SRCIN1: variants seen among roughly 807,000 people sequenced by gnomAD.
The protein encoded by SRCIN1 is SRC kinase signaling inhibitor 1.
In SRCIN1, 50 loss-of-function variants were observed where a neutral mutation model predicts 116.2. That is an observed-to-expected ratio of 0.43 (90% CI 0.34 to 0.54). SRCIN1 has a LOEUF of 0.54. SRCIN1 is among the 20% of genes least tolerant of loss of function. The pLI, the probability that SRCIN1 is intolerant of heterozygous loss-of-function variation, is 0.02. For synonymous variants in SRCIN1, 736 were observed against 750.0 expected, an observed-to-expected ratio of 0.98 and a Z score of 0.30; for missense variants, 1,446 against 1,672.0, an observed-to-expected ratio of 0.86 and a Z score of 2.36.
At chr17:38,579,535 G>T (rs1382383925) in intron 1 of SRCIN1, among the ~76,000 whole-genome samples, 2 of 152,162 alleles carry the variant, frequency 1.3e-5, no homozygotes, top group African/African-American at 4.8e-5. Context: ...AACTTAAAGG[G>T]AAAGAAAGCA....
At chr17:38,570,557 T>C (rs1052551316) in intron 2 of SRCIN1, among the ~76,000 whole-genome samples, 1 of 152,346 alleles carries the variant, frequency 6.6e-6, no homozygotes, top group African/African-American at 2.4e-5. Flanking sequence ...TGACCTCTGA[T>C]GCAAAAGAGA....
In SRCIN1 at chr17:38,604,596, G is replaced by T. The variant is rs1229073251; in HGVS notation, c.22+1088C>A. 2.2e-6 allele frequency: 1 copy of T among 448,206 alleles called. No individual in the cohort carries two copies. Among genetic ancestry groups the T allele is most frequent in the Non-Finnish European group, 4.5e-6 (1 of 223,698 alleles). The allele number at this position is 448,206 out of a possible 1,614,324, so 27.8% of individuals were successfully genotyped here. On this transcript the variant is annotated intron_variant, in intron 1 of 18. Coordinates refer to ENST00000617146, the MANE Select transcript of SRCIN1 (RefSeq NM_025248.3). This position sits in a 1 kb window ranked among gnomAD's most constrained non-coding sequence, Gnocchi z 4.3. ...GCAAAGCGCCGGAGGCACTGCCAGG[G>T]CTGCATGGGGACGCGTGGGGCTGGG... is the stretch of plus-strand genomic sequence containing the variant.
chr17:38,605,129 C>T (rs1909288963), intron 1 of SRCIN1, among the ~76,000 whole-genome samples: 1 of 151,938 alleles, frequency 6.6e-6, no homozygotes. Context: ...CCAGAACGCA[C>T]TCATCCCCTT....
chr17:38,572,375 G>A lies in SRCIN1; in HGVS notation c.325-4144C>T, dbSNP rs1311639615. ...GTGTGTGTGTGGGTGGGTGGGTGGGGGTGCTGTGGGACGCTGGGGAAGAGG... is the reference window on the plus strand; with the variant it reads ...GTGTGTGTGTGGGTGGGTGGGTGGGAGTGCTGTGGGACGCTGGGGAAGAGG... On this transcript the variant is annotated intron_variant, in intron 2 of 18. Coordinates refer to ENST00000617146, the MANE Select transcript of SRCIN1 (RefSeq NM_025248.3). This position sits in a 1 kb window ranked among gnomAD's most constrained non-coding sequence, Gnocchi z 4.3. Among the ~76,000 whole-genome samples, 1 of 141,002 alleles carries A rather than the reference G, an allele frequency of 7.1e-6. No individual in the cohort carries two copies. The highest frequency in any genetic ancestry group is 1.6e-5 in the Non-Finnish European group (1 of 63,950). 92.5% of individuals were successfully genotyped at this position (141,002 alleles called of 152,430 possible).
At position 38,593,090 on chromosome 17, in the gene SRCIN1, A is replaced by G. The variant is rs552030815; in HGVS notation, c.22+12594T>C. ...TCCAGAACTGGTGATTGTTCAAGAAAGGTTACATTAGGAGCCACCAGAGGT... is the reference window on the plus strand; with the variant it reads ...TCCAGAACTGGTGATTGTTCAAGAAGGGTTACATTAGGAGCCACCAGAGGT... On this transcript the variant is annotated intron_variant, in intron 1 of 18. Coordinates refer to ENST00000617146, the MANE Select transcript of SRCIN1 (RefSeq NM_025248.3). 1.1e-3 allele frequency among the ~76,000 whole-genome samples: 170 copies of G among 152,292 alleles called. 2 individuals are homozygous for G. The highest frequency in any genetic ancestry group is 3.9e-3 in the African/African-American group (163 of 41,544).
chr17:38,588,524 G>A (rs1291355339), intron 1 of SRCIN1, among the ~76,000 whole-genome samples: 1 of 152,212 alleles, frequency 6.6e-6, no homozygotes, highest in African/African-American at 2.4e-5. Flanking sequence ...GAACACTGGA[G>A]GGTGGGAAGG....
chr17:38,606,753 T>G (rs1055028492), upstream of SRCIN1, among the ~76,000 whole-genome samples: 1 of 152,160 alleles, frequency 6.6e-6, no homozygotes, highest in Non-Finnish European at 1.5e-5. The surrounding 1 kb of genome is among the most constrained non-coding windows in gnomAD (Gnocchi z 5.2). Flanking sequence ...CCACCTTCGT[T>G]GGCCTACCTG....
chr17:38,605,208 TG>T (rs1909292255), intron 1 of SRCIN1, among the ~76,000 whole-genome samples: 2 of 151,756 alleles, frequency 1.3e-5, no homozygotes, highest in Non-Finnish European at 2.9e-5. Flanking sequence ...TTCTGGGAGC[TG>T]GGGGAGGGAG....
chr17:38,547,788 C>G, intron 17 of SRCIN1: 3 of 232,030 alleles, frequency 1.3e-5, no homozygotes, highest in South Asian at 3.5e-5. Context: ...GCTGAGCCCC[C>G]GGGGGGCCCC....
At chr17:38,564,039 G>A (rs1336152867) in intron 4 of SRCIN1, 79 bp downstream of exon 4, 2 of 1,479,282 alleles carry the variant, frequency 1.4e-6, no homozygotes, top group Non-Finnish European at 1.8e-6. Flanking sequence ...CGTGCTGTAG[G>A]GGAGGAGGGG....
In SRCIN1 at chr17:38,548,101, G is replaced by A. The variant is rs569909411; in HGVS notation, c.3270+456C>T. 1.2e-4 allele frequency among the ~76,000 whole-genome samples: 18 copies of A among 152,276 alleles called. No homozygotes were observed. In the South Asian group the frequency reaches 2.5e-3, roughly 21 times the overall value. ...GGTCTCCCGCACTGGAGCTGGGGGTGGCTGAGAACGCTTGAGTGTGGTGAC... is the reference window on the plus strand; with the variant it reads ...GGTCTCCCGCACTGGAGCTGGGGGTAGCTGAGAACGCTTGAGTGTGGTGAC... On this transcript the variant is annotated intron_variant, in intron 17 of 18. Coordinates refer to ENST00000617146, the MANE Select transcript of SRCIN1 (RefSeq NM_025248.3).
At chr17:38,535,866 C>T (rs910808868) in intron 18 of SRCIN1, among the ~76,000 whole-genome samples, 6 of 152,220 alleles carry the variant, frequency 3.9e-5, no homozygotes, top group Admixed American at 1.3e-4. Context: ...TGATTCTCCC[C>T]GGTTGTCCTT....
intron 1 of SRCIN1, among the ~76,000 whole-genome samples, chr17:38,587,962 G>A (rs926364248): frequency 6.6e-6 from 1 of 151,788 alleles, no homozygotes; most frequent in African/African-American, 2.4e-5. Context: ...AGGCAAATCT[G>A]TGACATTACC....
chr17:38,573,291 C>A (rs1371826193), intron 2 of SRCIN1, among the ~76,000 whole-genome samples: 1 of 152,220 alleles, frequency 6.6e-6, no homozygotes, highest in African/African-American at 2.4e-5. Flanking sequence ...TAATCCTTAG[C>A]CAAGTCTGGG....
At chr17:38,601,921 TAGAG>T (rs967566158) in intron 1 of SRCIN1, among the ~76,000 whole-genome samples, 14 of 151,074 alleles carry the variant, frequency 9.3e-5, no homozygotes, top group African/African-American at 3.4e-4. Context: ...AGGACAGGGT[TAGAG>T]AGAGAGACAG....
At chr17:38,553,206 G>C (rs1377145043) in intron 11 of SRCIN1, among the ~76,000 whole-genome samples, 1 of 152,232 alleles carries the variant, frequency 6.6e-6, no homozygotes, top group Non-Finnish European at 1.5e-5. Context: ...GCAGTGAGCC[G>C]TGATTGTGCC....
chr17:38,553,011 T>A (rs374061942), intron 11 of SRCIN1, among the ~76,000 whole-genome samples, 156 bp from the exon 12 acceptor site: 1 of 152,160 alleles, frequency 6.6e-6, no homozygotes, highest in African/African-American at 2.4e-5. Context: ...TCTCAGTACT[T>A]TGGGAGGCTG....
intron 18 of SRCIN1, among the ~76,000 whole-genome samples, chr17:38,539,281 G>A (rs975664251): frequency 6.6e-6 from 1 of 152,180 alleles, no homozygotes; most frequent in South Asian, 2.1e-4. Context: ...ATTATGGGGG[G>A]GCTCACGTAT....
chr17:38,573,712 C>T (rs1038922204), intron 2 of SRCIN1, among the ~76,000 whole-genome samples: 1 of 152,248 alleles, frequency 6.6e-6, no homozygotes, highest in Non-Finnish European at 1.5e-5. Flanking sequence ...CACAACCCTA[C>T]CCATGCATAT....
Sources: gnomAD v4.1 joint callset for allele counts (sites outside exome capture counted in the v4.1 genomes callset) on GRCh38, gnomAD v4.1.1 for gene constraint, Gnocchi (gnomAD v3.1) non-coding constraint, MANE v1.5 for transcripts, NCBI Gene and HGNC (gene_info 2026-07-23, HGNC 2026-07-21) for gene names.